The following FMO2 variants were observed in gnomAD, a reference collection of about 807,000 sequenced individuals.
The protein encoded by FMO2 is flavin containing dimethylaniline monoxygenase 2, also known as flavin-containing monooxygenase 2.
In FMO2, 33 loss-of-function variants were observed where a neutral mutation model predicts 41.6. The observed-to-expected ratio is 0.79, with a 90% CI of 0.60 to 1.06. The LOEUF (loss-of-function observed/expected upper bound fraction) is 1.06, where lower values mean the gene tolerates loss of function less well. Among genes scored for constraint, FMO2 ranks in the 50% least tolerant of loss-of-function variants. The pLI is 0.00. For missense variants in FMO2, 619 were observed against 632.9 expected (o/e 0.98, Z 0.23); for synonymous variants, 214 against 219.6 (o/e 0.97, Z 0.23).
Position 171,212,115 on chromosome 1 carries a change from T to C in FMO2, c.*2970T>C, listed in dbSNP as rs1431536395. ...GTTATCACCTTCAATAGTTTCAATA[T>C]GTCCCCCAAAGTTATGTGTTTGAAA... On this transcript the variant is annotated 3_prime_UTR_variant, in exon 9 of 9. Transcript: ENST00000209929. Among the ~76,000 whole-genome samples the C allele has an allele frequency of 6.6e-6, 1 of 152,204 alleles. No individual in the cohort carries two copies. The highest frequency in any genetic ancestry group is 2.4e-5 in the African/African-American group (1 of 41,470).
chr1:171,211,207 T>C lies in FMO2; in HGVS notation c.*2062T>C, dbSNP rs1658967226. On this transcript the variant is annotated 3_prime_UTR_variant, in exon 9 of 9. Transcript: ENST00000209929. ...CCAAATCTAGCTCACTATCTGTTTTTGTAAATAAAATTTTATAATAGTACA... is the reference window on the plus strand; with the variant it reads ...CCAAATCTAGCTCACTATCTGTTTTCGTAAATAAAATTTTATAATAGTACA... The C allele has an allele frequency of 6.6e-6, 1 of 152,234 alleles. No individual in the cohort carries two copies. Among genetic ancestry groups the C allele is most frequent in the African/African-American group, 2.4e-5 (1 of 41,466 alleles). 9.4% of individuals were successfully genotyped at this position (152,234 alleles called of 1,614,324 possible).
Position 171,193,400 on chromosome 1 carries a change from G to A in FMO2, c.198G>A (p.Met66Ile). 1 of 1,610,008 alleles carries A rather than the reference G, an allele frequency of 6.2e-7. No individual in the cohort carries two copies. Among genetic ancestry groups the A allele is most frequent in the Non-Finnish European group, 8.5e-7 (1 of 1,178,708 alleles). The change falls in exon 3 of 9, where the codon ATG (methionine) becomes ATA (isoleucine). Residue 66 changes from methionine to isoleucine, a missense_variant. Physicochemically the swap from Met to Ile is conservative, Grantham distance 10. Transcript: ENST00000209929. ...QSVVTNTSKEMSCFSDFPMPE... is the reference protein window; with the variant it reads ...QSVVTNTSKEISCFSDFPMPE... The stretch of plus-strand genomic sequence containing the variant: ...TCGTTACCAACACCAGCAAAGAAAT[G>A]TCCTGTTTCAGTGACTTTCCAATGC...
At chr1:171,185,469 G>T in intron 1 of FMO2, 110 bp downstream of exon 1, 1 of 374,448 alleles carries the variant, frequency 2.7e-6, no homozygotes, top group East Asian at 4.5e-5. Context: ...TTTGTTCAAT[G>T]GGTCGCTTTT....
rs1377029108 is a variant in FMO2 at position 171,185,831 on chromosome 1, G to A, written c.118G>A (p.Val40Met). The change falls in exon 2 of 9, where the codon GTG becomes ATG. Residue 40 changes from valine to methionine, a missense_variant. Physicochemically the swap from Val to Met is conservative, Grantham distance 21. Coordinates refer to ENST00000209929, the MANE Select transcript of FMO2 (RefSeq NM_001460.5). ...CFERTEDIGGVWRFKENVEDG... is the reference protein window; with the variant it reads ...CFERTEDIGGMWRFKENVEDG... ...TGAGAGAACTGAAGATATTGGAGGA[G>A]TGTGGAGGTTCAAAGTAAGTGAGAT... The A allele has an allele frequency of 2.5e-6, 4 of 1,613,846 alleles. No individual in the cohort carries two copies. The East Asian group carries it at 8.9e-5, about 36-fold the overall frequency.
rs2102022646 is a variant in FMO2 at position 171,210,831 on chromosome 1, AATGT to A, written c.*1687_*1690del. 1 of 52,850 alleles carries A rather than the reference AATGT, an allele frequency of 1.9e-5. No individual in the cohort carries two copies. Among genetic ancestry groups the A allele is most frequent in the South Asian group, 9.1e-4 (1 of 1,100 alleles). The allele number at this position is 52,850 out of a possible 1,614,324, so 3.3% of individuals were successfully genotyped here. ...CTCCCTCAGGGACGTAGAACAATGG[AATGT>A]CAGTCAGTCTCTGTAGTTAAAACTT... On this transcript the variant is annotated 3_prime_UTR_variant, in exon 9 of 9. Transcript: ENST00000209929.
At chr1:171,195,492 T>G (rs571007767) in intron 3 of FMO2, among the ~76,000 whole-genome samples, 149 of 152,348 alleles carry the variant, frequency 9.8e-4, no homozygotes, top group South Asian at 2.5e-3. Context: ...TACTTTGAAC[T>G]ACCATCTGAA....
rs1259326008 is a variant in FMO2, at chr1:171,211,437, AC to A, written c.*2295del. Among the ~76,000 whole-genome samples, 14 of 152,146 alleles carry A rather than the reference AC, an allele frequency of 9.2e-5. No individual in the cohort carries two copies. The highest frequency in any genetic ancestry group is 2.9e-5 in the Non-Finnish European group (2 of 68,022). On this transcript the variant is annotated 3_prime_UTR_variant, in exon 9 of 9. Coordinates refer to ENST00000209929, the MANE Select transcript of FMO2 (RefSeq NM_001460.5). ...CTTGCCTTATTTCATCATTATCACT[AC>A]CCATTTAGTAGCTATGGTTGTTATC...
chr1:171,201,595 T>C (rs182180941), intron 5 of FMO2, among the ~76,000 whole-genome samples: 202 of 152,282 alleles, frequency 1.3e-3, no homozygotes, highest in African/African-American at 4.7e-3. Flanking sequence ...TTCATAAGGA[T>C]ACAGCACCCT....
chr1:171,189,817 G>A (rs1044905057), intron 2 of FMO2, among the ~76,000 whole-genome samples: 4 of 152,114 alleles, frequency 2.6e-5, no homozygotes, highest in East Asian at 1.9e-4. Flanking sequence ...ATCTTCTAAT[G>A]CAACTGGTCC....
At chr1:171,189,658 T>TC (rs766145989) in intron 2 of FMO2, among the ~76,000 whole-genome samples, 1 of 113,954 alleles carries the variant, frequency 8.8e-6, no homozygotes, top group Non-Finnish European at 1.8e-5. Flanking sequence ...TTTTTTCTTT[T>TC]CTTTTTTTTT....
In FMO2 at chr1:171,199,352, A is replaced by G. The variant is rs765019520; in HGVS notation, c.491A>G (p.Glu164Gly). ...TCTCTTCTTCCCCCTGAAGGTATGG[A>G]GAGGTTCAAAGGCCAATATTTCCAT... ...HIPLKSFPGM[E>G]RFKGQYFHSR... The change falls in exon 5 of 9, where the codon GAG (glutamate) becomes GGG (glycine). Residue 164 changes from glutamate (E) to glycine (G), a missense_variant. Transcript: ENST00000209929. The G allele has an allele frequency of 1.2e-6, 2 of 1,604,546 alleles. No individual in the cohort carries two copies. Among genetic ancestry groups the G allele is most frequent in the Non-Finnish European group, 1.7e-6 (2 of 1,175,936 alleles).
At chr1:171,206,348 C>T (rs1388710752) in intron 7 of FMO2, among the ~76,000 whole-genome samples, 2 of 152,048 alleles carry the variant, frequency 1.3e-5, no homozygotes, top group East Asian at 1.9e-4. Context: ...TGGATAACTG[C>T]ATTTCTCAGG....
rs1344934180 is a variant in FMO2, at chr1:171,209,269, G to A, written c.*124G>A. The A allele has an allele frequency of 5.0e-6, 2 of 400,386 alleles. No individual in the cohort carries two copies. The highest frequency in any genetic ancestry group is 7.1e-5 in the East Asian group (2 of 28,130). 24.8% of individuals were successfully genotyped at this position (400,386 alleles called of 1,614,324 possible). On this transcript the variant is annotated 3_prime_UTR_variant, in exon 9 of 9. Coordinates refer to ENST00000209929, the MANE Select transcript of FMO2 (RefSeq NM_001460.5). ...ATAGATTTTAGAGTTAGGTAGTACA[G>A]GTAAGGGGGAAATTGTAAAGAATTA... is the stretch of plus-strand genomic sequence containing the variant.
Position 171,189,656 on chromosome 1 carries a change from TTTC to T in FMO2, c.133-3676_133-3674del, listed in dbSNP as rs1262063892. ...AGAAATCTGAGCCCGTCTTTTTTCTTTTCTTTTTTTTTTTTTTTTTGAGATGGA... is the reference window on the plus strand; with the variant it reads ...AGAAATCTGAGCCCGTCTTTTTTCTTTTTTTTTTTTTTTTTTTGAGATGGA... On this transcript the variant is annotated intron_variant, in intron 2 of 8. Coordinates refer to ENST00000209929, the MANE Select transcript of FMO2 (RefSeq NM_001460.5). Among the ~76,000 whole-genome samples the T allele has an allele frequency of 1.4e-4, 18 of 124,236 alleles. 1 individual carries two copies. Among genetic ancestry groups the T allele is most frequent in the Non-Finnish European group, 1.9e-4 (12 of 61,924 alleles). 81.5% of individuals were successfully genotyped at this position (124,236 alleles called of 152,430 possible). A position where few individuals can be genotyped will look rare whatever the true frequency, so the allele number is the denominator to read the frequency against.
In FMO2 at chr1:171,196,685, T is replaced by C. The variant is rs1410172600; in HGVS notation, c.358T>C (p.Ser120Pro). 6.2e-7 allele frequency: 1 copy of C among 1,613,444 alleles called. No individual in the cohort carries two copies. Among genetic ancestry groups the C allele is most frequent in the Admixed American group, 1.7e-5 (1 of 59,992 alleles). ...TAGTGTGAGAAAATGTCCAGATTTCTCATCCTCTGGCCAATGGAAGGTTGT... is the reference window on the plus strand; with the variant it reads ...TAGTGTGAGAAAATGTCCAGATTTCCCATCCTCTGGCCAATGGAAGGTTGT... Reference protein sequence around the residue: ...VLSVRKCPDFSSSGQWKVVTQ... With the variant: ...VLSVRKCPDFPSSGQWKVVTQ... The change falls in exon 4 of 9, where the codon TCA (serine) becomes CCA (proline). Residue 120 changes from serine to proline, a missense_variant. Coordinates refer to ENST00000209929, the MANE Select transcript of FMO2 (RefSeq NM_001460.5).
chr1:171,210,156 A>G lies in FMO2; in HGVS notation c.*1011A>G, dbSNP rs1454963540. On this transcript the variant is annotated 3_prime_UTR_variant, in exon 9 of 9. Transcript: ENST00000209929. ...AACAGCATTCTTTTTGCCAAATATG[A>G]CCAAATTACTTTTATTTATAATTTT... 4 of 152,194 alleles carry G rather than the reference A, an allele frequency of 2.6e-5. No homozygotes were observed. The highest frequency in any genetic ancestry group is 4.4e-5 in the Non-Finnish European group (3 of 68,028). 9.4% of individuals were successfully genotyped at this position (152,194 alleles called of 1,614,324 possible).
At chr1:171,203,379 T>A (rs1354222672) in intron 5 of FMO2, among the ~76,000 whole-genome samples, 4 of 151,708 alleles carry the variant, frequency 2.6e-5, no homozygotes, top group African/African-American at 9.7e-5. Context: ...CTTTTAAGTA[T>A]GGAAGGAAGA....
intron 8 of FMO2, among the ~76,000 whole-genome samples, chr1:171,208,483 C>A (rs569151856): frequency 1.8e-4 from 27 of 152,282 alleles, no homozygotes; most frequent in Non-Finnish European, 3.1e-4. Flanking sequence ...CTCATGAATT[C>A]CTGCAGCCGC....
At position 171,205,402 on chromosome 1, in the gene FMO2, A is replaced by G; in HGVS notation, c.951A>G (p.Thr317=). 6.2e-7 allele frequency: 1 copy of G among 1,613,946 alleles called. No individual in the cohort carries two copies. Among genetic ancestry groups the G allele is most frequent in the Non-Finnish European group, 8.5e-7 (1 of 1,179,860 alleles). The part of the protein sequence containing the change: ...TETSAIFEDG[T]VEENIDVIIF... ...CTTCTGCCATCTTTGAGGATGGAACAGTGGAGGAGAACATTGATGTCATCA... is the reference window on the plus strand; with the variant it reads ...CTTCTGCCATCTTTGAGGATGGAACGGTGGAGGAGAACATTGATGTCATCA... Residue 317 remains threonine, a synonymous_variant, in exon 7 of 9, where the codon ACA becomes ACG. Coordinates refer to ENST00000209929, the MANE Select transcript of FMO2 (RefSeq NM_001460.5).
Sources: allele counts gnomAD v4.1 joint callset (sites outside exome capture counted in the v4.1 genomes callset), GRCh38; gene constraint gnomAD v4.1.1; transcripts MANE v1.5; gene names NCBI Gene and HGNC (gene_info 2026-07-23, HGNC 2026-07-21).